The following CDKN1C variants were observed in gnomAD, a reference collection of about 807,000 sequenced individuals.
CDKN1C encodes cyclin-dependent kinase inhibitor 1C.
Under a neutral mutation model 16.5 loss-of-function variants are expected in CDKN1C, and 7 were observed. The ratio of observed to expected loss-of-function variants is 0.42; its 90% confidence interval spans 0.24 to 0.80. The LOEUF is 0.80. Ranked by LOEUF, CDKN1C falls within the 30% of genes least tolerant of loss-of-function variation. CDKN1C has a pLI of 0.26. For synonymous variants in CDKN1C, 288 were observed against 214.4 expected (o/e 1.34, Z -3.00); for missense variants, 429 against 437.3 (o/e 0.98, Z 0.17).
rs1239551966 is a variant in CDKN1C at position 2,885,193 on chromosome 11, G to C, written c.264C>G (p.Arg88=). ...AFYRETVQVG[R]CRLLLAPRPV... ...GCCGCGGCGCCAGCAGCAGGCGGCA[G>C]CGCCCCACCTGCACCGTCTCGCGGT... The change falls in exon 2 of 4, where the codon CGC becomes CGG. Residue 88 remains arginine (R), a synonymous_variant. Transcript: ENST00000440480. 1 of 1,535,978 alleles carries C rather than the reference G, an allele frequency of 6.5e-7. No homozygotes were observed. The highest frequency in any genetic ancestry group is 2.0e-5 in the Admixed American group (1 of 50,898).
rs996694809 is a variant in CDKN1C at position 2,883,615 on chromosome 11, C to CT, written c.*305dup. On this transcript the variant is annotated 3_prime_UTR_variant, in exon 4 of 4. Coordinates refer to ENST00000440480, the MANE Select transcript of CDKN1C (RefSeq NM_001122630.2). ...ATATACATGGTTTTTTTATTTTTTC[C>CT]TTTTTTTTTTCTTTTTTCTTTTTTT... is the stretch of plus-strand genomic sequence containing the variant. The CT allele has an allele frequency of 0.014, 7,045 of 496,564 alleles. No individual in the cohort carries two copies. Among genetic ancestry groups the CT allele is most frequent in the East Asian group, 0.017 (418 of 23,984 alleles). The allele number at this position is 496,564 out of a possible 1,614,324, so 30.8% of individuals were successfully genotyped here.
intron 2 of CDKN1C, 145 bp from the exon 3 acceptor site, chr11:2,884,279 T>A: frequency 2.8e-6 from 1 of 360,500 alleles, no homozygotes; most frequent in Non-Finnish European, 4.0e-6. Context: ...GTCAGCTTTG[T>A]TTACGTCGCC....
rs1848996790 is a variant in CDKN1C, at chr11:2,885,751, C to CG, written c.-129dup. ...TCGCTCAGGCCTGGCCGGCACCCCT[C>CG]GAGCACAGCGCACTTGGCCTGTGGA... is the stretch of plus-strand genomic sequence containing the variant. On this transcript the variant is annotated 5_prime_UTR_variant, in exon 1 of 4. Coordinates refer to ENST00000440480, the MANE Select transcript of CDKN1C (RefSeq NM_001122630.2). 3.5e-6 allele frequency: 2 copies of CG among 576,686 alleles called. No homozygotes were observed. Among genetic ancestry groups the CG allele is most frequent in the Non-Finnish European group, 3.1e-6 (1 of 323,812 alleles). The allele number at this position is 576,686 out of a possible 1,614,324, so 35.7% of individuals were successfully genotyped here.
Position 2,883,759 on chromosome 11 carries a change from T to C in CDKN1C, c.*162A>G. 6.9e-7 allele frequency: 1 copy of C among 1,457,044 alleles called. No individual in the cohort carries two copies. Among genetic ancestry groups the C allele is most frequent in the Non-Finnish European group, 9.0e-7 (1 of 1,111,672 alleles). The allele number at this position is 1,457,044 out of a possible 1,614,324, so 90.3% of individuals were successfully genotyped here. On this transcript the variant is annotated 3_prime_UTR_variant, in exon 4 of 4. Transcript: ENST00000440480. ...TTTAGATATAAAAAGACGTTATTAA[T>C]ACATTGCACAGTTTTCAAAATTTAA...
intron 2 of CDKN1C, 54 bp downstream of exon 2, chr11:2,884,616 C>T (rs1196098113): frequency 1.6e-5 from 18 of 1,126,586 alleles, no homozygotes; most frequent in Non-Finnish European, 2.0e-5. Context: ...GGGGACCGGC[C>T]GGCCGGACAA....
chr11:2,884,319 T>G (rs1300224746), intron 2 of CDKN1C, 185 bp from the exon 3 acceptor site: 4 of 245,638 alleles, frequency 1.6e-5, no homozygotes, highest in Non-Finnish European at 2.7e-5. Flanking sequence ...CATTTCCCCT[T>G]GTCCCGCGGC....
rs771731330 is a variant in CDKN1C, at chr11:2,885,137, G to C, written c.320C>G (p.Pro107Arg). 1 of 1,497,220 alleles carries C rather than the reference G, an allele frequency of 6.7e-7. No individual in the cohort carries two copies. The highest frequency in any genetic ancestry group is 1.4e-5 in the African/African-American group (1 of 69,658). The allele number at this position is 1,497,220 out of a possible 1,614,324, so 92.7% of individuals were successfully genotyped here. ...PVAVAVAVSP[P>R]LEPAAESLDG... is the part of the protein sequence containing the mutation. The stretch of plus-strand genomic sequence containing the variant: ...GAGGGACTCAGCGGCCGGCTCGAGG[G>C]GCGGGCTGACAGCCACCGCGACCGC... Residue 107 changes from proline (P) to arginine (R), a missense_variant, in exon 2 of 4, where the codon CCC becomes CGC. Coordinates refer to ENST00000440480, the MANE Select transcript of CDKN1C (RefSeq NM_001122630.2).
At chr11:2,884,644 C>A in intron 2 of CDKN1C, 26 bp downstream of exon 2, 1 of 1,206,410 alleles carries the variant, frequency 8.3e-7, no homozygotes, top group Non-Finnish European at 1.0e-6. Context: ...CCGGGCCGGG[C>A]CGGGGCGGGG....
chr11:2,884,785 C>T lies in CDKN1C; in HGVS notation c.672G>A (p.Gln224=). ...EQGANQGQRG[Q]EPLADQLHSG... is the part of the protein sequence containing the mutation. Reference sequence around the variant, plus strand: ...AGTGCAGCTGGTCAGCGAGAGGCTCCTGGCCGCGCTGCCCCTGGTTCGCGC... The same window carrying T: ...AGTGCAGCTGGTCAGCGAGAGGCTCTTGGCCGCGCTGCCCCTGGTTCGCGC... Residue 224 remains glutamine (Q), a synonymous_variant, in exon 2 of 4, where the codon CAG becomes CAA. Coordinates refer to ENST00000440480, the MANE Select transcript of CDKN1C (RefSeq NM_001122630.2). 6.7e-7 allele frequency: 1 copy of T among 1,491,722 alleles called. No individual in the cohort carries two copies. The highest frequency in any genetic ancestry group is 8.9e-7 in the Non-Finnish European group (1 of 1,121,920). The allele number at this position is 1,491,722 out of a possible 1,614,324, so 92.4% of individuals were successfully genotyped here. A position where few individuals can be genotyped will look rare whatever the true frequency, so the allele number is the denominator to read the frequency against.
In CDKN1C at chr11:2,885,166, G is replaced by A. The variant is rs534471786; in HGVS notation, c.291C>T (p.Pro97=). 1.4e-4 allele frequency: 212 copies of A among 1,526,108 alleles called. 3 individuals are homozygous for A. The South Asian group carries it at 2.3e-3, about 17-fold the overall frequency. 94.5% of individuals were successfully genotyped at this position (1,526,108 alleles called of 1,614,324 possible). ...GGCTGACAGCCACCGCGACCGCGACGGGCCGCGGCGCCAGCAGCAGGCGGC... is the reference window on the plus strand; with the variant it reads ...GGCTGACAGCCACCGCGACCGCGACAGGCCGCGGCGCCAGCAGCAGGCGGC... The part of the protein sequence containing the change: ...GRCRLLLAPR[P]VAVAVAVSPP... The change falls in exon 2 of 4, where the codon CCC becomes CCT. Residue 97 remains proline (P), a synonymous_variant. Transcript: ENST00000440480.
intron 1 of CDKN1C, 35 bp downstream of exon 1, chr11:2,885,599 C>A: frequency 7.4e-7 from 1 of 1,350,732 alleles, no homozygotes; most frequent in Non-Finnish European, 1.0e-6. Context: ...CCCCGCGCCG[C>A]CCGACTCTGC....
In CDKN1C at chr11:2,885,345, G is replaced by T. The variant is rs749713233; in HGVS notation, c.112C>A (p.Arg38Ser). ...TCCTCGGCGTTCAGCTCGGCCAGGC[G>T]GGCCTGCAGCTCGCGGCTCAGCTCC... ...HEELSRELQA[R>S]LAELNAEDQN... is the part of the protein sequence containing the mutation. Residue 38 changes from arginine (R) to serine (S), a missense_variant, in exon 2 of 4, where the codon CGC (arginine) becomes AGC (serine). Coordinates refer to ENST00000440480, the MANE Select transcript of CDKN1C (RefSeq NM_001122630.2). 5.6e-6 allele frequency: 9 copies of T among 1,595,444 alleles called. No homozygotes were observed. Among genetic ancestry groups the T allele is most frequent in the Non-Finnish European group, 7.7e-6 (9 of 1,173,174 alleles).
Position 2,884,672 on chromosome 11 carries a change from G to T in CDKN1C, c.785C>A (p.Ser262Tyr). The T allele has an allele frequency of 7.2e-7, 1 of 1,396,480 alleles. No individual in the cohort carries two copies. The highest frequency in any genetic ancestry group is 9.3e-7 in the Non-Finnish European group (1 of 1,072,556). 86.5% of individuals were successfully genotyped at this position (1,396,480 alleles called of 1,614,324 possible). Residue 262 changes from serine to tyrosine, a missense_variant and splice_region_variant, in exon 2 of 4, where the codon TCC becomes TAC. Transcript: ENST00000440480. ...GGGCGGGGCCGTGCGGGGCTCACCG[G>T]AGATCAGAGGCCCGGACAGCTTCTT... is the stretch of plus-strand genomic sequence containing the variant. ...AIKKLSGPLI[S>Y]DFFAKRKRSA...
rs1450071551 is a variant in CDKN1C at position 2,884,847 on chromosome 11, C to G, written c.610G>C (p.Ala204Pro). Residue 204 changes from alanine to proline, a missense_variant, in exon 2 of 4, where the codon GCC (alanine) becomes CCC (proline). Coordinates refer to ENST00000440480, the MANE Select transcript of CDKN1C (RefSeq NM_001122630.2). ...APAPAPAPAP[A>P]PDAAPQESAE... ...CTCTCTTGAGGCGCCGCGTCCGGGG[C>G]CGGGGCCGGGGCGGGGGCCGGGGCC... 3 of 1,144,202 alleles carry G rather than the reference C, an allele frequency of 2.6e-6. No homozygotes were observed. The highest frequency in any genetic ancestry group is 2.2e-6 in the Non-Finnish European group (2 of 929,502). 70.9% of individuals were successfully genotyped at this position (1,144,202 alleles called of 1,614,324 possible).
chr11:2,885,536 GAGA>G (rs775427512), intron 1 of CDKN1C, 70 bp from the exon 2 acceptor site: 41 of 1,535,322 alleles, frequency 2.7e-5, no homozygotes, highest in East Asian at 2.2e-4. Context: ...AGAGGACAGC[GAGA>G]AGAAGGGGAA....
chr11:2,885,549 A>G, intron 1 of CDKN1C, 83 bp from the exon 2 acceptor site: 2 of 1,531,260 alleles, frequency 1.3e-6, no homozygotes, highest in Admixed American at 3.9e-5. Context: ...AAGAAGGGGA[A>G]AGGAGAGGAG....
Position 2,884,896 on chromosome 11 carries a change from C to A in CDKN1C, c.561G>T (p.Pro187=). The A allele has an allele frequency of 3.4e-6, 3 of 881,570 alleles. No individual in the cohort carries two copies. The highest frequency in any genetic ancestry group is 4.1e-6 in the Non-Finnish European group (3 of 729,072). The allele number at this position is 881,570 out of a possible 1,614,324, so 54.6% of individuals were successfully genotyped here. A position where few individuals can be genotyped will look rare whatever the true frequency, so the allele number is the denominator to read the frequency against. Residue 187 remains proline, a synonymous_variant, in exon 2 of 4, where the codon CCG becomes CCT. Transcript: ENST00000440480. ...PAPAPAPVAA[P]APAPAPAPAP... The stretch of plus-strand genomic sequence containing the variant: ...CCGGGGCCGGGGCCGGGGCTGGGGC[C>A]GGGGCCGCGACTGGAGCCGGGGCCG...
rs891658753 is a variant in CDKN1C at position 2,883,607 on chromosome 11, A to C, written c.*314T>G. On this transcript the variant is annotated 3_prime_UTR_variant, in exon 4 of 4. Transcript: ENST00000440480. ...TTGTACAAATATACATGGTTTTTTT[A>C]TTTTTTCCTTTTTTTTTTCTTTTTT... is the stretch of plus-strand genomic sequence containing the variant. The C allele has an allele frequency of 7.1e-6, 4 of 564,752 alleles. No individual in the cohort carries two copies. The highest frequency in any genetic ancestry group is 3.4e-5 in the East Asian group (1 of 29,222). 35.0% of individuals were successfully genotyped at this position (564,752 alleles called of 1,614,324 possible). A position where few individuals can be genotyped will look rare whatever the true frequency, so the allele number is the denominator to read the frequency against.
Position 2,885,055 on chromosome 11 carries a change from C to CGCCGGG in CDKN1C, c.396_401dup (p.Pro133_Ala134dup), listed in dbSNP as rs1201148541. On this transcript the variant is annotated inframe_insertion, in exon 2 of 4. Coordinates refer to ENST00000440480, the MANE Select transcript of CDKN1C (RefSeq NM_001122630.2). ...GGACCGGGACTGGGGGCGGGGTGGA[C>CGCCGGG]GCCGGGGCCGGGACCGGGACACTAG... The CGCCGGG allele has an allele frequency of 1.5e-6, 2 of 1,342,296 alleles. No homozygotes were observed. Among genetic ancestry groups the CGCCGGG allele is most frequent in the East Asian group, 3.1e-5 (1 of 32,466 alleles). The allele number at this position is 1,342,296 out of a possible 1,614,324, so 83.1% of individuals were successfully genotyped here.
Sources: gnomAD v4.1 joint callset for allele counts on GRCh38, gnomAD v4.1.1 for gene constraint, MANE v1.5 for transcripts, NCBI Gene and HGNC (gene_info 2026-07-23, HGNC 2026-07-21) for gene names.